Variants in HCN1 observed in about 807,000 individuals in gnomAD.
HCN1 encodes hyperpolarization activated cyclic nucleotide gated potassium channel 1.
A neutral mutation model predicts 78.9 loss-of-function variants in HCN1; 13 were observed. The ratio of observed to expected loss-of-function variants is 0.16; its 90% CI spans 0.11 to 0.26. The LOEUF is 0.26. Among genes scored for constraint, HCN1 ranks in the 10% least tolerant of loss-of-function variants. The pLI, the probability that HCN1 is intolerant of heterozygous loss-of-function variation, is 1.00. For synonymous variants in HCN1, 552 were observed against 455.5 expected (o/e 1.21, Z -2.70); for missense variants, 810 against 1,154.3 (o/e 0.70, Z 4.32).
chr5:45,672,073 T>A (rs1233740208), intron 1 of HCN1, among the ~76,000 whole-genome samples: 1 of 151,534 alleles, frequency 6.6e-6, no homozygotes, highest in African/African-American at 2.4e-5. Flanking sequence ...GAGAGGATGT[T>A]GTGGAATATA....
At chr5:45,550,121 C>T (rs953645897) in intron 2 of HCN1, among the ~76,000 whole-genome samples, 2 of 152,034 alleles carry the variant, frequency 1.3e-5, no homozygotes, top group Non-Finnish European at 2.9e-5. Flanking sequence ...CTAGAAATAC[C>T]ATTTGACCCA....
At chr5:45,672,659 G>T (rs955823304) in intron 1 of HCN1, among the ~76,000 whole-genome samples, 5 of 150,264 alleles carry the variant, frequency 3.3e-5, no homozygotes, top group African/African-American at 1.2e-4. Context: ...TAATAATTCA[G>T]AAATGCAAAT....
chr5:45,438,369 G>A (rs1740601215), intron 3 of HCN1, among the ~76,000 whole-genome samples: 2 of 152,008 alleles, frequency 1.3e-5, no homozygotes, highest in South Asian at 4.1e-4. Context: ...GAGGAGGGCG[G>A]ATCACCAGGT....
intron 2 of HCN1, among the ~76,000 whole-genome samples, chr5:45,560,867 T>G (rs2111878228): frequency 6.6e-6 from 1 of 152,254 alleles, no homozygotes; most frequent in Admixed American, 6.5e-5. Context: ...ACGACACTGC[T>G]TAAACCTTCC....
At chr5:45,695,200 G>A (rs146517372) in intron 1 of HCN1, 1 of 182,036 alleles carries the variant, frequency 5.5e-6, no homozygotes, top group African/African-American at 2.4e-5. Flanking sequence ...GGAACTGCTC[G>A]GGCTTGTGAA....
At chr5:45,648,125 G>A (rs1162896289) in intron 1 of HCN1, among the ~76,000 whole-genome samples, 1 of 152,138 alleles carries the variant, frequency 6.6e-6, no homozygotes, top group East Asian at 1.9e-4. Context: ...CAATGCCAGT[G>A]GCCTAGTCAC....
chr5:45,459,743 A>G (rs1296956648), intron 3 of HCN1, among the ~76,000 whole-genome samples: 1 of 152,146 alleles, frequency 6.6e-6, no homozygotes, highest in Non-Finnish European at 1.5e-5. Flanking sequence ...CATAGGAAAA[A>G]TGTAAAATAA....
intron 6 of HCN1, among the ~76,000 whole-genome samples, chr5:45,267,496 G>A (rs989299347): frequency 2.0e-5 from 3 of 151,500 alleles, no homozygotes; most frequent in East Asian, 1.9e-4. Flanking sequence ...AAGGCCAGGC[G>A]CAGTGGCTCA....
intron 2 of HCN1, among the ~76,000 whole-genome samples, chr5:45,509,713 T>G (rs1368630015): frequency 6.6e-6 from 1 of 152,168 alleles, no homozygotes; most frequent in Non-Finnish European, 1.5e-5. Context: ...ATAGCCAGTA[T>G]GTGGCTGTTA....
chr5:45,679,498 ATC>A (rs1739661169), intron 1 of HCN1, among the ~76,000 whole-genome samples: 1 of 151,998 alleles, frequency 6.6e-6, no homozygotes, highest in Admixed American at 6.6e-5. Flanking sequence ...AATGCTTAAA[ATC>A]TCTACTTATT....
At position 45,473,037 on chromosome 5, in the gene HCN1, T is replaced by C. The variant is rs902140576; in HGVS notation, c.850-11030A>G. On this transcript the variant is annotated intron_variant, in intron 2 of 7. Transcript: ENST00000303230. ...TGAAAATGCCTAACCTTTACAGAGT[T>C]CTACTTTCTCCTGCTCTCTTTTCCT... Among the ~76,000 whole-genome samples, 3 of 151,944 alleles carry C rather than the reference T, an allele frequency of 2.0e-5. No homozygotes were observed. In the East Asian group the frequency reaches 5.8e-4, roughly 29 times the overall value.
intron 4 of HCN1, among the ~76,000 whole-genome samples, chr5:45,365,648 T>C (rs1432587077): frequency 6.6e-6 from 1 of 151,900 alleles, no homozygotes; most frequent in Non-Finnish European, 1.5e-5. Context: ...CTGTGATAAA[T>C]ATATGAGTGC....
intron 2 of HCN1, among the ~76,000 whole-genome samples, chr5:45,538,932 T>A (rs1264269769): frequency 1.3e-5 from 2 of 152,188 alleles, no homozygotes; most frequent in African/African-American, 4.8e-5. Flanking sequence ...CTAAGTCACA[T>A]GTTAATTTTG....
chr5:45,695,837 C>T lies in HCN1; in HGVS notation c.257G>A (p.Gly86Glu), dbSNP rs1230569941. 1.2e-6 allele frequency: 2 copies of T among 1,601,492 alleles called. No homozygotes were observed. Among genetic ancestry groups the T allele is most frequent in the Non-Finnish European group, 1.7e-6 (2 of 1,177,364 alleles). ...EPAGGFEDAEGPRRQYGFMQR... is the reference protein window; with the variant it reads ...EPAGGFEDAEEPRRQYGFMQR... Reference sequence around the variant, plus strand: ...CATGAAGCCGTACTGCCGCCGGGGCCCCTCGGCGTCTTCGAAGCCCCCCGC... The same window carrying T: ...CATGAAGCCGTACTGCCGCCGGGGCTCCTCGGCGTCTTCGAAGCCCCCCGC... Residue 86 changes from glycine (G) to glutamate (E), a missense_variant, in exon 1 of 8, where the codon GGG becomes GAG. This residue lies in a region of HCN1 where 170 missense variants were observed against 166.8 expected (regional missense o/e 1.02). Coordinates refer to ENST00000303230, the MANE Select transcript of HCN1 (RefSeq NM_021072.4).
chr5:45,552,479 T>A (rs1413474372), intron 2 of HCN1, among the ~76,000 whole-genome samples: 1 of 151,960 alleles, frequency 6.6e-6, no homozygotes, highest in Non-Finnish European at 1.5e-5. Flanking sequence ...TATTTTAGTA[T>A]TATTTATTTA....
intron 5 of HCN1, among the ~76,000 whole-genome samples, chr5:45,343,179 C>G (rs906218668): frequency 6.6e-6 from 1 of 152,086 alleles, no homozygotes; most frequent in African/African-American, 2.4e-5. Flanking sequence ...ACAGACATGA[C>G]AGTGGGGGAA....
chr5:45,299,411 C>T (rs1745562062), intron 6 of HCN1, among the ~76,000 whole-genome samples: 1 of 151,994 alleles, frequency 6.6e-6, no homozygotes, highest in Non-Finnish European at 1.5e-5. Flanking sequence ...ATATCTTCAT[C>T]TCTCGCTCTC....
intron 2 of HCN1, among the ~76,000 whole-genome samples, chr5:45,471,697 C>G (rs929165416): frequency 2.6e-5 from 4 of 151,868 alleles, no homozygotes; most frequent in African/African-American, 4.8e-5. Context: ...TTGAATTGGA[C>G]TTATATAACA....
chr5:45,316,141 G>A (rs1456443617), intron 5 of HCN1, among the ~76,000 whole-genome samples: 3 of 152,186 alleles, frequency 2.0e-5, no homozygotes, highest in Non-Finnish European at 4.4e-5. Flanking sequence ...TATCCCTGAT[G>A]AACATCGATG....
Sources: gnomAD v4.1 joint callset for allele counts (sites outside exome capture counted in the v4.1 genomes callset) on GRCh38, gnomAD v4.1.1 for gene constraint, gnomAD v4.1.1 regional missense constraint, MANE v1.5 for transcripts, NCBI Gene and HGNC (gene_info 2026-07-23, HGNC 2026-07-21) for gene names.